The following WDR59 variants were observed in gnomAD, a reference collection of about 807,000 sequenced individuals.
WDR59 encodes the protein WD repeat domain 59.
Under a neutral mutation model 131.2 loss-of-function variants are expected in WDR59, and 100 were observed. That is an observed-to-expected ratio of 0.76 (90% confidence interval 0.65 to 0.90). WDR59 has a LOEUF of 0.90. WDR59 is among the 40% of genes least tolerant of loss of function. The pLI is 0.00. For missense variants in WDR59, 1,203 were observed against 1,262.2 expected, an observed-to-expected ratio of 0.95 and a Z score of 0.71; for synonymous variants, 601 against 466.2, an observed-to-expected ratio of 1.29 and a Z score of -3.72.
At chr16:74,977,509 A>G (rs2145243637) in intron 1 of WDR59, among the ~76,000 whole-genome samples, 1 of 152,124 alleles carries the variant, frequency 6.6e-6, no homozygotes, top group Non-Finnish European at 1.5e-5. Flanking sequence ...TAACACGGTG[A>G]AACTCCATCT....
intron 8 of WDR59, among the ~76,000 whole-genome samples, chr16:74,934,389 GATTA>G (rs1420704293): frequency 2.6e-5 from 4 of 152,148 alleles, no homozygotes; most frequent in Admixed American, 6.6e-5. Context: ...CAATTTATGG[GATTA>G]ATTAGAGGAC....
intron 2 of WDR59, among the ~76,000 whole-genome samples, chr16:74,965,300 G>A (rs907026501): frequency 2.0e-5 from 2 of 102,222 alleles, no homozygotes; most frequent in African/African-American, 1.0e-4. Context: ...AGATGCTACA[G>A]AAACTTGTCA....
intron 14 of WDR59, among the ~76,000 whole-genome samples, chr16:74,911,359 C>A (rs962059637): frequency 6.6e-6 from 1 of 152,178 alleles, no homozygotes; most frequent in Non-Finnish European, 1.5e-5. Flanking sequence ...TTTCCTGGTT[C>A]CATGTGATAC....
intron 1 of WDR59, 168 bp downstream of exon 1, chr16:74,984,796 T>C: frequency 2.2e-6 from 2 of 916,922 alleles, no homozygotes; most frequent in Non-Finnish European, 3.3e-6. Context: ...CCCCCGATGG[T>C]CGTCTTCCCT....
rs1964099704 is a variant in WDR59, at chr16:74,874,345, G to A, written c.2789C>T (p.Ala930Val). ...FTFQCAICHV[A>V]VRGSSNFCLT... The stretch of plus-strand genomic sequence containing the variant: ...GCAGAAATTGGACGATCCCCGCACA[G>A]CCACGTGACAGATGGCACACTGGAA... The change falls in exon 26 of 26, where the codon GCT becomes GTT. Residue 930 changes from alanine (A) to valine (V), a missense_variant. Coordinates refer to ENST00000262144, the MANE Select transcript of WDR59 (RefSeq NM_030581.4). 24 of 1,614,054 alleles carry A rather than the reference G, an allele frequency of 1.5e-5. No homozygotes were observed. Among genetic ancestry groups the A allele is most frequent in the Non-Finnish European group, 2.0e-5 (24 of 1,180,050 alleles).
At chr16:74,968,773 AC>A (rs1167711250) in intron 1 of WDR59, among the ~76,000 whole-genome samples, 1 of 151,828 alleles carries the variant, frequency 6.6e-6, no homozygotes. Context: ...ATCATAACTC[AC>A]CCATATCAGA....
Position 74,917,952 on chromosome 16 carries a change from G to A in WDR59, c.943C>T (p.Arg315Trp), listed in dbSNP as rs769807999. Residue 315 changes from arginine (R) to tryptophan (W), a missense_variant, in exon 11 of 26, where the codon CGG becomes TGG. Arg to Trp is a moderately radical substitution (Grantham distance 101). Coordinates refer to ENST00000262144, the MANE Select transcript of WDR59 (RefSeq NM_030581.4). ...ACCCTCTGCATCTGGGAATCCACCC[G>A]CCACATTCTCAAGGTCTGATCCCGG... ...WSRDQTLRMW[R>W]VDSQMQRLCA... is the part of the protein sequence containing the mutation. The A allele has an allele frequency of 7.7e-5, 125 of 1,613,168 alleles. No individual in the cohort carries two copies. The East Asian group carries it at 2.6e-3, about 33-fold the overall frequency.
At chr16:74,940,975 A>C (rs1157157223) in intron 7 of WDR59, among the ~76,000 whole-genome samples, 1 of 151,530 alleles carries the variant, frequency 6.6e-6, no homozygotes, top group Admixed American at 6.6e-5. Flanking sequence ...AAGTGCTGGG[A>C]TTACAGGTGT....
intron 4 of WDR59, among the ~76,000 whole-genome samples, chr16:74,950,886 T>C (rs998195659): frequency 4.0e-5 from 6 of 151,360 alleles, no homozygotes; most frequent in South Asian, 4.2e-4. Flanking sequence ...CCAGGCACAG[T>C]GGTTCACGCC....
intron 1 of WDR59, among the ~76,000 whole-genome samples, chr16:74,977,264 A>T (rs879287718): frequency 4.0e-5 from 6 of 151,874 alleles, no homozygotes; most frequent in East Asian, 1.9e-4. Flanking sequence ...AATTTAAATT[A>T]AAAAAAAATT....
At chr16:74,977,746 T>C (rs1167410565) in intron 1 of WDR59, among the ~76,000 whole-genome samples, 17 of 152,214 alleles carry the variant, frequency 1.1e-4, no homozygotes. Flanking sequence ...TATCTACTTA[T>C]AGCAGCTTTC....
At chr16:74,969,256 A>G (rs7191529) in intron 1 of WDR59, among the ~76,000 whole-genome samples, 71,638 of 151,914 alleles carry the variant, frequency 0.47, 17,262 homozygotes, top group East Asian at 0.72. Flanking sequence ...CTACTTATAA[A>G]TATATATATA....
chr16:74,977,845 C>A (rs2034249177), intron 1 of WDR59, among the ~76,000 whole-genome samples: 1 of 152,182 alleles, frequency 6.6e-6, no homozygotes, highest in Admixed American at 6.6e-5. Flanking sequence ...GAACACTACT[C>A]AGCAAGAAGA....
intron 4 of WDR59, among the ~76,000 whole-genome samples, chr16:74,950,133 C>A (rs2032910731): frequency 6.6e-6 from 1 of 152,016 alleles, no homozygotes; most frequent in South Asian, 2.1e-4. Context: ...CTTGAGGTCA[C>A]AAGTTCGAGA....
At chr16:74,913,964 T>G (rs895515404) in intron 13 of WDR59, among the ~76,000 whole-genome samples, 2 of 152,208 alleles carry the variant, frequency 1.3e-5, no homozygotes, top group Non-Finnish European at 2.9e-5. Context: ...CCCAGCACTT[T>G]GGGAGGCCAA....
At chr16:74,942,350 G>A (rs2032299139) in intron 7 of WDR59, among the ~76,000 whole-genome samples, 1 of 152,062 alleles carries the variant, frequency 6.6e-6, no homozygotes, top group South Asian at 2.1e-4. Context: ...TGCAAGCAGG[G>A]GCAGGGATAA....
chr16:74,925,177 T>C (rs1409511091), intron 8 of WDR59, among the ~76,000 whole-genome samples: 1 of 152,172 alleles, frequency 6.6e-6, no homozygotes, highest in Non-Finnish European at 1.5e-5. Flanking sequence ...GCATTATTAA[T>C]TTTTAAAACA....
intron 20 of WDR59, 25 bp downstream of exon 20, chr16:74,892,459 C>A: frequency 6.3e-7 from 1 of 1,590,896 alleles, no homozygotes; most frequent in Non-Finnish European, 8.6e-7. Flanking sequence ...AAATCCAAAT[C>A]TCCACCAAAA....
At position 74,925,060 on chromosome 16, in the gene WDR59, A is replaced by G. The variant is rs576458197; in HGVS notation, c.652-1057T>C. ...ATGAATGTTTATAGTGGCTCTATTC[A>G]CAATCACCAAAAACCAAAAATGGTC... is the stretch of plus-strand genomic sequence containing the variant. On this transcript the variant is annotated intron_variant, in intron 8 of 25. Coordinates refer to ENST00000262144, the MANE Select transcript of WDR59 (RefSeq NM_030581.4). 1.2e-3 allele frequency among the ~76,000 whole-genome samples: 190 copies of G among 152,370 alleles called. 3 individuals carry two copies. Among genetic ancestry groups the G allele is most frequent in the Middle Eastern group, 6.8e-3 (2 of 294 alleles).
Sources: gnomAD v4.1 joint callset for allele counts (sites outside exome capture counted in the v4.1 genomes callset) on GRCh38, gnomAD v4.1.1 for gene constraint, MANE v1.5 for transcripts, NCBI Gene and HGNC (gene_info 2026-07-23, HGNC 2026-07-21) for gene names.